Variants in GRID2 observed in about 807,000 individuals in gnomAD.
GRID2 encodes glutamate receptor ionotropic, delta-2.
Under a neutral mutation model 114.8 loss-of-function variants are expected in GRID2, and 33 were observed. The observed-to-expected ratio is 0.29, with a 90% CI of 0.22 to 0.38. The LOEUF is 0.38. Among genes scored for constraint, GRID2 ranks in the 10% least tolerant of loss-of-function variants. The pLI is 1.00. For missense variants in GRID2, 1,184 were observed against 1,257.7 expected, an observed-to-expected ratio of 0.94 and a Z score of 0.89; for synonymous variants, 505 against 449.9, an observed-to-expected ratio of 1.12 and a Z score of -1.55.
At chr4:92,730,206 TG>T (rs1194946427) in intron 2 of GRID2, among the ~76,000 whole-genome samples, 1 of 151,992 alleles carries the variant, frequency 6.6e-6, no homozygotes, top group Non-Finnish European at 1.5e-5. Flanking sequence ...CAACAATGTT[TG>T]CATTCTATAA....
chr4:93,134,738 G>T (rs188644782), intron 4 of GRID2, among the ~76,000 whole-genome samples: 4 of 152,042 alleles, frequency 2.6e-5, no homozygotes, highest in Non-Finnish European at 1.5e-5. Context: ...TGATAATATT[G>T]AATCAGGAAT....
Position 93,033,741 on chromosome 4 carries a change from A to T in GRID2, c.245-51254A>T, listed in dbSNP as rs74506721. Among the ~76,000 whole-genome samples the T allele has an allele frequency of 3.0e-3, 453 of 151,294 alleles. 6 individuals are homozygous for T. Among genetic ancestry groups the T allele is most frequent in the South Asian group, 0.012 (58 of 4,768 alleles). On this transcript the variant is annotated intron_variant, in intron 2 of 15. Coordinates refer to ENST00000282020, the MANE Select transcript of GRID2 (RefSeq NM_001510.4). Reference sequence around the variant, plus strand: ...TTTTATGAATTTTCATTTGTTTTCCATTTGAAGAGGTCTGTTTGTGGATGC... The same window carrying T: ...TTTTATGAATTTTCATTTGTTTTCCTTTTGAAGAGGTCTGTTTGTGGATGC...
chr4:93,239,340 T>C (rs1747207274), intron 8 of GRID2, among the ~76,000 whole-genome samples: 1 of 148,630 alleles, frequency 6.7e-6, no homozygotes, highest in Admixed American at 6.8e-5. Context: ...TATCTATCTA[T>C]CTATGTATCT....
chr4:92,998,532 A>C (rs1377945004), intron 2 of GRID2, among the ~76,000 whole-genome samples: 1 of 151,986 alleles, frequency 6.6e-6, no homozygotes, highest in Non-Finnish European at 1.5e-5. Flanking sequence ...TACCACATGC[A>C]TGAGATTTTA....
At chr4:92,649,748 T>C (rs1386570718) in intron 2 of GRID2, among the ~76,000 whole-genome samples, 1 of 152,020 alleles carries the variant, frequency 6.6e-6, no homozygotes, top group Admixed American at 6.6e-5. Context: ...ATGGAACTAA[T>C]TCTTTCCTCT....
chr4:92,922,462 C>T (rs548114335), intron 2 of GRID2, among the ~76,000 whole-genome samples: 1 of 152,096 alleles, frequency 6.6e-6, no homozygotes, highest in Non-Finnish European at 1.5e-5. Flanking sequence ...TAGACTGGTG[C>T]TGTTCCTATT....
chr4:93,522,034 A>G (rs1444173858), intron 13 of GRID2, among the ~76,000 whole-genome samples: 2 of 152,214 alleles, frequency 1.3e-5, no homozygotes. Flanking sequence ...AAGGAAACCC[A>G]TAATACAGGA....
At chr4:93,041,587 A>G (rs1393777340) in intron 2 of GRID2, among the ~76,000 whole-genome samples, 1 of 152,056 alleles carries the variant, frequency 6.6e-6, no homozygotes, top group African/African-American at 2.4e-5. Flanking sequence ...CTTAACATTA[A>G]CCTCTCAAAT....
At chr4:93,652,697 G>A (rs28436718) in intron 14 of GRID2, among the ~76,000 whole-genome samples, 23,330 of 145,704 alleles carry the variant, frequency 0.16, 4,205 homozygotes, top group African/African-American at 0.45. Context: ...TATGTCTCTT[G>A]TTCAAGCCAG....
At chr4:92,795,385 G>A (rs1426251132) in intron 2 of GRID2, among the ~76,000 whole-genome samples, 4 of 151,800 alleles carry the variant, frequency 2.6e-5, no homozygotes, top group African/African-American at 9.7e-5. Flanking sequence ...CCACCACCAT[G>A]TAAGAAGTGC....
rs745392261 is a variant in GRID2 at position 92,794,905 on chromosome 4, T to TATATATATAC, written c.244+204620_244+204621insTATATATACA. 3.9e-3 allele frequency among the ~76,000 whole-genome samples: 504 copies of TATATATATAC among 127,670 alleles called. 2 individuals are homozygous for TATATATATAC. Among genetic ancestry groups the TATATATATAC allele is most frequent in the African/African-American group, 5.9e-3 (191 of 32,368 alleles). The allele number at this position is 127,670 out of a possible 152,430, so 83.8% of individuals were successfully genotyped here. ...ATATATATATATATATATATATATATACACACACACACACACACACATATC... is the reference window on the plus strand; with the variant it reads ...ATATATATATATATATATATATATATATATATATACACACACACACACACACACACATATC... On this transcript the variant is annotated intron_variant, in intron 2 of 15. Coordinates refer to ENST00000282020, the MANE Select transcript of GRID2 (RefSeq NM_001510.4).
chr4:92,523,386 C>T (rs747428043), intron 1 of GRID2, among the ~76,000 whole-genome samples: 5 of 151,842 alleles, frequency 3.3e-5, no homozygotes, highest in Non-Finnish European at 7.4e-5. Flanking sequence ...CAGGTCCAAG[C>T]AGAGCATATA....
chr4:93,219,123 G>C (rs2149485998), intron 6 of GRID2, among the ~76,000 whole-genome samples: 1 of 152,076 alleles, frequency 6.6e-6, no homozygotes, highest in East Asian at 1.9e-4. Flanking sequence ...GGATATAATT[G>C]ATGTGAAAAT....
At chr4:93,343,152 G>C (rs2149249158) in intron 8 of GRID2, among the ~76,000 whole-genome samples, 1 of 151,364 alleles carries the variant, frequency 6.6e-6, no homozygotes, top group East Asian at 1.9e-4. Flanking sequence ...CTGTGTGTGT[G>C]TGTGTGTGTG....
chr4:92,583,069 T>C (rs938537862), intron 1 of GRID2, among the ~76,000 whole-genome samples: 2 of 152,124 alleles, frequency 1.3e-5, no homozygotes, highest in Non-Finnish European at 1.5e-5. Context: ...ATATTGCCAG[T>C]TATTAAGCTT....
At chr4:93,316,339 A>AAGAAAGAAG (rs1756645484) in intron 8 of GRID2, among the ~76,000 whole-genome samples, 1 of 54,960 alleles carries the variant, frequency 1.8e-5, no homozygotes, top group Non-Finnish European at 4.1e-5. Context: ...AAAGAAAGAA[A>AAGAAAGAAG]GAAGGAAGGA....
intron 2 of GRID2, among the ~76,000 whole-genome samples, chr4:92,917,769 G>A (rs1748933449): frequency 1.3e-5 from 2 of 152,150 alleles, no homozygotes; most frequent in African/African-American, 4.8e-5. Flanking sequence ...AGTATAGTTT[G>A]AAGTCAGGTA....
intron 2 of GRID2, among the ~76,000 whole-genome samples, chr4:92,700,365 A>C (rs969197616): frequency 6.6e-6 from 1 of 152,196 alleles, no homozygotes; most frequent in African/African-American, 2.4e-5. Context: ...ATCTTTAACC[A>C]TGCTGAAACT....
chr4:93,626,245 C>A, intron 13 of GRID2, 24 bp from the exon 14 acceptor site: 4 of 1,452,250 alleles, frequency 2.8e-6, no homozygotes, highest in Non-Finnish European at 3.8e-6. Context: ...CCTATTTCTT[C>A]TTTTGTTCTT....
Sources: gnomAD v4.1 joint callset for allele counts (sites outside exome capture counted in the v4.1 genomes callset) on GRCh38, gnomAD v4.1.1 for gene constraint, MANE v1.5 for transcripts, NCBI Gene and HGNC (gene_info 2026-07-23, HGNC 2026-07-21) for gene names.